The following ZIC4 variants were observed in gnomAD, a reference collection of about 807,000 sequenced individuals.
ZIC4 encodes the protein Zic family zinc finger 4, also known as zinc finger protein ZIC 4.
A neutral mutation model predicts 28.8 loss-of-function variants in ZIC4; 15 were observed. The observed-to-expected ratio is 0.52, with a 90% CI of 0.35 to 0.80. The LOEUF is 0.80. Among genes scored for constraint, ZIC4 ranks in the 30% least tolerant of loss-of-function variants. The pLI, the probability that ZIC4 is intolerant of heterozygous loss-of-function variation, is 0.01. For missense variants in ZIC4, 512 were observed against 467.1 expected, an observed-to-expected ratio of 1.10 and a Z score of -0.89; for synonymous variants, 220 against 198.1, an observed-to-expected ratio of 1.11 and a Z score of -0.93.
At chr3:147,392,229 C>A (rs1284274689) in intron 3 of ZIC4, 49 of 985,644 alleles carry the variant, frequency 5.0e-5, no homozygotes, top group African/African-American at 7.0e-5. Flanking sequence ...TTGAGCGCTG[C>A]GGCTTCGGGA....
At chr3:147,394,117 C>CTCT (rs1553766574) in intron 3 of ZIC4, among the ~76,000 whole-genome samples, 2 of 145,214 alleles carry the variant, frequency 1.4e-5, no homozygotes, top group South Asian at 4.4e-4. Flanking sequence ...ATTTTTTTTC[C>CTCT]CTCTCTCTCT....
Position 147,396,376 on chromosome 3 carries a change from G to C in ZIC4, c.164C>G (p.Pro55Arg). The change falls in exon 3 of 5, where the codon CCC becomes CGC. Residue 55 changes from proline (P) to arginine (R), a missense_variant. Physicochemically the swap from Pro to Arg is moderately radical, Grantham distance 103 (BLOSUM62 -2). This residue lies in a region of ZIC4 where 310 missense variants were observed against 256.5 expected (regional missense o/e 1.21). Transcript: ENST00000383075. This position sits in a 1 kb window ranked among gnomAD's most constrained non-coding sequence, Gnocchi z 4.2. ...GLHEEPPQAS[P>R]SRPLNGLLRL... ...CAGGAGTCCATTCAAAGGACGGCTGGGGGAGGCCTGGGGAGGCTCCTCGTG... is the reference window on the plus strand; with the variant it reads ...CAGGAGTCCATTCAAAGGACGGCTGCGGGAGGCCTGGGGAGGCTCCTCGTG... 2 of 1,531,010 alleles carry C rather than the reference G, an allele frequency of 1.3e-6. No homozygotes were observed. Among genetic ancestry groups the C allele is most frequent in the Non-Finnish European group, 1.7e-6 (2 of 1,143,920 alleles). 94.8% of individuals were successfully genotyped at this position (1,531,010 alleles called of 1,614,324 possible). A position where few individuals can be genotyped will look rare whatever the true frequency, so the allele number is the denominator to read the frequency against.
intron 3 of ZIC4, chr3:147,392,590 G>C: frequency 3.9e-6 from 1 of 256,170 alleles, no homozygotes; most frequent in Non-Finnish European, 6.1e-6. Flanking sequence ...CGGCTACCTA[G>C]CGTCTAGCTG....
In ZIC4 at chr3:147,402,812, C is replaced by T; in HGVS notation, c.-15G>A. On this transcript the variant is annotated splice_region_variant and 5_prime_UTR_variant, in exon 2 of 5. Coordinates refer to ENST00000383075, the MANE Select transcript of ZIC4 (RefSeq NM_032153.6). ...TTGTATCTCATTTTCTGACTTTGAG[C>T]CTGTTTGGGAAGAAAAGAGTGACAG... The T allele has an allele frequency of 6.2e-7, 1 of 1,613,174 alleles. No homozygotes were observed. Among genetic ancestry groups the T allele is most frequent in the Non-Finnish European group, 8.5e-7 (1 of 1,179,666 alleles).
chr3:147,392,660 C>T (rs1459541463), intron 3 of ZIC4: 3 of 156,382 alleles, frequency 1.9e-5, no homozygotes, highest in African/African-American at 7.2e-5. Flanking sequence ...CCGCCGCATC[C>T]AGGAAAAACA....
In ZIC4 at chr3:147,395,961, AT is replaced by A; in HGVS notation, c.578del (p.Asn193IlefsTer93). 1 of 1,614,052 alleles carries A rather than the reference AT, an allele frequency of 6.2e-7. No homozygotes were observed. Among genetic ancestry groups the A allele is most frequent in the East Asian group, 2.2e-5 (1 of 44,868 alleles). Reference sequence around the variant, plus strand: ...TCTCGCCCGTGTGCACGCGGATGTGATTTACAAGTTTGTATTTGGCTTTGAA... The same window carrying A: ...TCTCGCCCGTGTGCACGCGGATGTGATTACAAGTTTGTATTTGGCTTTGAA... Reference protein sequence around the residue: ...KPFKAKYKLVNHIRVHTGEKP... With the variant: ...KPFKAKYKLVXHIRVHTGEKP... On this transcript the variant is annotated frameshift_variant, in exon 3 of 5. Transcript: ENST00000383075. LOFTEE classifies it high-confidence loss of function.
rs530690750 is a variant in ZIC4 at position 147,386,446 on chromosome 3, C to A, written c.*2413G>T. The stretch of plus-strand genomic sequence containing the variant: ...TTTTCTCATAAATTAGCAATATAAA[C>A]AAACATATGGAGACCTTCAGTTAAC... On this transcript the variant is annotated 3_prime_UTR_variant, in exon 5 of 5. Transcript: ENST00000383075. The A allele has an allele frequency of 1.3e-5, 2 of 152,740 alleles. No homozygotes were observed. The highest frequency in any genetic ancestry group is 3.9e-4 in the East Asian group (2 of 5,186). 9.5% of individuals were successfully genotyped at this position (152,740 alleles called of 1,614,324 possible). A position where few individuals can be genotyped will look rare whatever the true frequency, so the allele number is the denominator to read the frequency against.
At position 147,392,235 on chromosome 3, in the gene ZIC4, C is replaced by T. The variant is rs371422967; in HGVS notation, c.689-989G>A. ...ACCACGCCCTTGAGCGCTGCGGCTT[C>T]GGGAAGAAAACAGCTGCTGCTGTCA... On this transcript the variant is annotated intron_variant, in intron 3 of 4. Coordinates refer to ENST00000383075, the MANE Select transcript of ZIC4 (RefSeq NM_032153.6). The T allele has an allele frequency of 7.9e-4, 776 of 985,752 alleles. 19 individuals carry two copies. The South Asian group carries it at 0.032, about 41-fold the overall frequency. 61.1% of individuals were successfully genotyped at this position (985,752 alleles called of 1,614,324 possible). A position where few individuals can be genotyped will look rare whatever the true frequency, so the allele number is the denominator to read the frequency against.
intron 1 of ZIC4, among the ~76,000 whole-genome samples, chr3:147,404,751 T>G (rs1393010513): frequency 6.6e-6 from 1 of 151,938 alleles, no homozygotes; most frequent in African/African-American, 2.4e-5. Context: ...GGTGGGACAG[T>G]GGGTAGGTGC....
chr3:147,390,209 C>T (rs1176705052), intron 4 of ZIC4, among the ~76,000 whole-genome samples: 1 of 144,922 alleles, frequency 6.9e-6, no homozygotes, highest in African/African-American at 2.5e-5. Context: ...GACGATGAAT[C>T]TCCCTTACCT....
intron 3 of ZIC4, chr3:147,393,816 G>A (rs1337096301): frequency 2.2e-6 from 1 of 452,962 alleles, no homozygotes; most frequent in Non-Finnish European, 4.4e-6. Context: ...GCGGTGGCCA[G>A]GCCGAGCGCG....
At chr3:147,393,734 G>T (rs568752287) in intron 3 of ZIC4, 3 of 355,334 alleles carry the variant, frequency 8.4e-6, no homozygotes, top group South Asian at 4.1e-5. Flanking sequence ...GCACTGACTC[G>T]CCCTCAGACG....
Position 147,396,115 on chromosome 3 carries a change from C to G in ZIC4, c.425G>C (p.Ser142Thr), listed in dbSNP as rs535827867. ...GGTGCTGAAAGTTTTGGAGCAGAGG[C>G]TCGGGGTCGCGGTGCCGTCGGCCGC... ...WLAADGTATP[S>T]LCSKTFSTMH... is the part of the protein sequence containing the mutation. The change falls in exon 3 of 5, where the codon AGC becomes ACC. Residue 142 changes from serine to threonine, a missense_variant. This residue lies in a region of ZIC4 where 310 missense variants were observed against 256.5 expected (regional missense o/e 1.21). Coordinates refer to ENST00000383075, the MANE Select transcript of ZIC4 (RefSeq NM_032153.6). The surrounding 1 kb of genome is among the most constrained non-coding windows in gnomAD (Gnocchi z 4.2). 6.2e-7 allele frequency: 1 copy of G among 1,614,144 alleles called. No homozygotes were observed. Among genetic ancestry groups the G allele is most frequent in the Admixed American group, 1.7e-5 (1 of 60,032 alleles).
At position 147,388,645 on chromosome 3, in the gene ZIC4, A is replaced by G. The variant is rs2086841966; in HGVS notation, c.*214T>C. ...AAAAGGTCTGTTAGACGTAAATATT[A>G]TGTCCTTAATGAAAAGCCTGGACGG... On this transcript the variant is annotated 3_prime_UTR_variant, in exon 5 of 5. Transcript: ENST00000383075. 1 of 559,448 alleles carries G rather than the reference A, an allele frequency of 1.8e-6. No individual in the cohort carries two copies. The highest frequency in any genetic ancestry group is 2.6e-5 in the South Asian group (1 of 37,760). The allele number at this position is 559,448 out of a possible 1,614,324, so 34.7% of individuals were successfully genotyped here. A position where few individuals can be genotyped will look rare whatever the true frequency, so the allele number is the denominator to read the frequency against.
chr3:147,400,764 ATTT>A (rs1397128332), intron 2 of ZIC4, among the ~76,000 whole-genome samples: 1 of 152,198 alleles, frequency 6.6e-6, no homozygotes, highest in Non-Finnish European at 1.5e-5. Context: ...TAGAGAGATC[ATTT>A]TGAGTCTTCC....
rs991832158 is a variant in ZIC4, at chr3:147,387,859, C to G, written c.*1000G>C. Reference sequence around the variant, plus strand: ...CTCCCCCAGGGTGGCTCCCTTCCCCCCAAGTCGCCATTAAATTTAAGCCTC... The same window carrying G: ...CTCCCCCAGGGTGGCTCCCTTCCCCGCAAGTCGCCATTAAATTTAAGCCTC... On this transcript the variant is annotated 3_prime_UTR_variant, in exon 5 of 5. Transcript: ENST00000383075. 6 of 152,466 alleles carry G rather than the reference C, an allele frequency of 3.9e-5. No homozygotes were observed. The highest frequency in any genetic ancestry group is 9.6e-5 in the African/African-American group (4 of 41,572). The allele number at this position is 152,466 out of a possible 1,614,324, so 9.4% of individuals were successfully genotyped here. A position where few individuals can be genotyped will look rare whatever the true frequency, so the allele number is the denominator to read the frequency against.
At chr3:147,404,232 T>C in intron 1 of ZIC4, 1 of 1,452,278 alleles carries the variant, frequency 6.9e-7, no homozygotes, top group South Asian at 1.5e-5. Flanking sequence ...GAGATCCCTG[T>C]CCACCCATAA....
intron 2 of ZIC4, among the ~76,000 whole-genome samples, chr3:147,399,266 C>T (rs184049132): frequency 6.6e-6 from 1 of 152,130 alleles, no homozygotes; most frequent in East Asian, 1.9e-4. Context: ...CTGATCCTTC[C>T]CCTGCTCTGA....
rs1316215961 is a variant in ZIC4, at chr3:147,386,326, G to A, written c.*2533C>T. 1 of 152,486 alleles carries A rather than the reference G, an allele frequency of 6.6e-6. No homozygotes were observed. The highest frequency in any genetic ancestry group is 2.4e-5 in the African/African-American group (1 of 41,456). The allele number at this position is 152,486 out of a possible 1,614,324, so 9.4% of individuals were successfully genotyped here. A position where few individuals can be genotyped will look rare whatever the true frequency, so the allele number is the denominator to read the frequency against. On this transcript the variant is annotated 3_prime_UTR_variant, in exon 5 of 5. Coordinates refer to ENST00000383075, the MANE Select transcript of ZIC4 (RefSeq NM_032153.6). The stretch of plus-strand genomic sequence containing the variant: ...AGTGTGGGTAGAGAGGGTACAAATA[G>A]TCTAAAGATTTCAGCCAGGCTTTTG...
Sources: gnomAD v4.1 joint callset for allele counts (sites outside exome capture counted in the v4.1 genomes callset) on GRCh38, gnomAD v4.1.1 for gene constraint, gnomAD v4.1.1 regional missense constraint, Gnocchi (gnomAD v3.1) non-coding constraint, MANE v1.5 for transcripts, NCBI Gene and HGNC (gene_info 2026-07-23, HGNC 2026-07-21) for gene names.